The following KHDRBS2 variants were observed in gnomAD, a reference collection of about 807,000 sequenced individuals.
The protein encoded by KHDRBS2 is KH domain-containing, RNA-binding, signal transduction-associated protein 2.
In KHDRBS2, 26 loss-of-function variants were observed where a neutral mutation model predicts 44.3. The observed-to-expected ratio is 0.59, with a 90% confidence interval of 0.43 to 0.81. KHDRBS2 has a LOEUF of 0.81. KHDRBS2 is among the 40% of genes least tolerant of loss of function. The pLI is 0.00. For missense variants in KHDRBS2, 476 were observed against 433.1 expected (o/e 1.10, Z -0.88); for synonymous variants, 194 against 151.1 (o/e 1.28, Z -2.08).
At chr6:61,738,639 C>T (rs752727730) in intron 6 of KHDRBS2, among the ~76,000 whole-genome samples, 1 of 151,832 alleles carries the variant, frequency 6.6e-6, no homozygotes, top group Non-Finnish European at 1.5e-5. Context: ...GGGTATTGGG[C>T]AAAGCAACAT....
In KHDRBS2 at chr6:62,286,180, C is replaced by G. The variant is rs1449185559; in HGVS notation, c.-232G>C. On this transcript the variant is annotated 5_prime_UTR_variant, in exon 1 of 9. Transcript: ENST00000281156. ...TCCGTCGTCCCTCGCTCGCGCAGAG[C>G]CCCGGCTCACACCAGCGGCCTTAAC... 8 of 537,010 alleles carry G rather than the reference C, an allele frequency of 1.5e-5. No individual in the cohort carries two copies. The highest frequency in any genetic ancestry group is 2.6e-5 in the Non-Finnish European group (8 of 307,538). 33.3% of individuals were successfully genotyped at this position (537,010 alleles called of 1,614,324 possible). A position where few individuals can be genotyped will look rare whatever the true frequency, so the allele number is the denominator to read the frequency against.
At chr6:62,197,385 T>G (rs186103866) in intron 1 of KHDRBS2, among the ~76,000 whole-genome samples, 46 of 152,240 alleles carry the variant, frequency 3.0e-4, no homozygotes, top group African/African-American at 1.0e-3. Context: ...CAAATCAGCA[T>G]GAATTTTAAC....
intron 6 of KHDRBS2, among the ~76,000 whole-genome samples, chr6:61,774,739 T>A (rs1448462144): frequency 3.3e-5 from 5 of 152,158 alleles, no homozygotes; most frequent in Non-Finnish European, 5.9e-5. Context: ...GCATTCCTTC[T>A]GAAACTATTC....
chr6:62,248,558 C>G (rs1425671167), intron 1 of KHDRBS2, among the ~76,000 whole-genome samples: 1 of 151,880 alleles, frequency 6.6e-6, no homozygotes, highest in East Asian at 1.9e-4. Context: ...GGGGTTTCAC[C>G]ACGTTGGCCA....
At chr6:61,669,795 A>G in the KHDRBS2 span, among the ~76,000 whole-genome samples, 1 of 151,032 alleles carries the variant, frequency 6.6e-6, no homozygotes, top group Non-Finnish European at 1.5e-5. Flanking sequence ...TATTTTGCTC[A>G]CACTCTAGAG....
intron 2 of KHDRBS2, among the ~76,000 whole-genome samples, chr6:62,056,074 T>C (rs940670504): frequency 4.6e-5 from 7 of 151,992 alleles, no homozygotes; most frequent in Non-Finnish European, 5.9e-5. Context: ...GGTGGAACTT[T>C]CCTGAAGACC....
chr6:61,893,960 T>G (rs927246302), intron 6 of KHDRBS2, among the ~76,000 whole-genome samples: 2 of 152,052 alleles, frequency 1.3e-5, no homozygotes, highest in African/African-American at 4.8e-5. Flanking sequence ...AATTTTCCCT[T>G]TTTACATATT....
At chr6:62,071,453 C>T (rs928776962) in intron 2 of KHDRBS2, among the ~76,000 whole-genome samples, 1 of 152,134 alleles carries the variant, frequency 6.6e-6, no homozygotes, top group African/African-American at 2.4e-5. Context: ...ATGTTTTCTT[C>T]TAGGATTTTT....
At chr6:61,820,727 A>G (rs1789766091) in intron 6 of KHDRBS2, among the ~76,000 whole-genome samples, 1 of 152,024 alleles carries the variant, frequency 6.6e-6, no homozygotes. Context: ...TACACAATCC[A>G]TTTATGCAGA....
chr6:61,605,103 T>C, the KHDRBS2 span, among the ~76,000 whole-genome samples: 3 of 152,146 alleles, frequency 2.0e-5, no homozygotes, highest in African/African-American at 7.2e-5. Context: ...TTTTACCACT[T>C]GCCCTTCTGC....
chr6:61,790,474 G>A (rs1250384995), intron 6 of KHDRBS2, among the ~76,000 whole-genome samples: 12 of 149,718 alleles, frequency 8.0e-5, no homozygotes, highest in Non-Finnish European at 1.8e-4. Flanking sequence ...TTCTTTAATG[G>A]CAATTCAACT....
intron 2 of KHDRBS2, among the ~76,000 whole-genome samples, chr6:62,117,945 T>G (rs1041115318): frequency 6.6e-6 from 1 of 152,088 alleles, no homozygotes; most frequent in Non-Finnish European, 1.5e-5. Context: ...CTGGCTAATT[T>G]TTGTATTTTT....
intron 4 of KHDRBS2, among the ~76,000 whole-genome samples, chr6:61,944,579 A>G (rs1218494110): frequency 6.6e-6 from 1 of 152,168 alleles, no homozygotes; most frequent in African/African-American, 2.4e-5. Context: ...GCGTTCTAAT[A>G]TTTGATAGCA....
At chr6:61,667,739 G>C in the KHDRBS2 span, among the ~76,000 whole-genome samples, 1 of 151,244 alleles carries the variant, frequency 6.6e-6, no homozygotes, top group African/African-American at 2.4e-5. Flanking sequence ...ATTGTCATGA[G>C]GCTACTTTCT....
At chr6:61,929,769 C>G (rs1346474874) in intron 4 of KHDRBS2, among the ~76,000 whole-genome samples, 1 of 152,118 alleles carries the variant, frequency 6.6e-6, no homozygotes, top group Non-Finnish European at 1.5e-5. Context: ...TTTCCTTCAA[C>G]AAATGTTAAT....
the KHDRBS2 span, among the ~76,000 whole-genome samples, chr6:61,669,699 A>C: frequency 6.6e-6 from 1 of 151,042 alleles, no homozygotes; most frequent in Admixed American, 6.6e-5. Flanking sequence ...GCATGATTTT[A>C]ATTAACATAG....
intron 7 of KHDRBS2, among the ~76,000 whole-genome samples, chr6:61,725,151 T>A (rs139614713): frequency 1.0e-3 from 153 of 152,230 alleles, no homozygotes; most frequent in Admixed American, 2.4e-3. Flanking sequence ...ATTAAGAAAT[T>A]CACGAAAAAT....
chr6:61,663,396 A>T, the KHDRBS2 span, among the ~76,000 whole-genome samples: 87 of 147,858 alleles, frequency 5.9e-4, no homozygotes, highest in Admixed American at 1.2e-3. Context: ...AACTTAAAGT[A>T]TAATAATAAT....
chr6:62,208,125 T>A (rs1288016824), intron 1 of KHDRBS2, among the ~76,000 whole-genome samples: 1 of 152,164 alleles, frequency 6.6e-6, no homozygotes, highest in Non-Finnish European at 1.5e-5. Flanking sequence ...AGAAGTGAGA[T>A]CAGGTAATAT....
Sources: gnomAD v4.1 joint callset for allele counts (sites outside exome capture counted in the v4.1 genomes callset) on GRCh38, gnomAD v4.1.1 for gene constraint, MANE v1.5 for transcripts, NCBI Gene and HGNC (gene_info 2026-07-23, HGNC 2026-07-21) for gene names.